Variants in PCDHA4 observed in about 807,000 individuals in gnomAD.
PCDHA4 encodes the protein protocadherin alpha 4.
A neutral mutation model predicts 61.4 loss-of-function variants in PCDHA4; 49 were observed. The ratio of observed to expected loss-of-function variants is 0.80; its 90% CI spans 0.63 to 1.01. The LOEUF (loss-of-function observed/expected upper bound fraction) is 1.01. Among genes scored for constraint, PCDHA4 ranks in the 50% least tolerant of loss-of-function variants. The pLI is 0.00. For missense variants in PCDHA4, 1,254 were observed against 1,235.8 expected, an observed-to-expected ratio of 1.01 and a Z score of -0.22; for synonymous variants, 590 against 550.3, an observed-to-expected ratio of 1.07 and a Z score of -1.01.
chr5:140,946,527 G>A (rs1414920308), intron 1 of PCDHA4, among the ~76,000 whole-genome samples: 1 of 150,718 alleles, frequency 6.6e-6, no homozygotes, highest in Non-Finnish European at 1.5e-5. Flanking sequence ...GCACTCCCAT[G>A]TTCATTGCAG....
Position 140,967,485 on chromosome 5 carries a change from C to T in PCDHA4, c.2386-11464C>T, listed in dbSNP as rs781948599. 7 of 1,613,056 alleles carry T rather than the reference C, an allele frequency of 4.3e-6. No individual in the cohort carries two copies. The South Asian group carries it at 5.5e-5, about 13-fold the overall frequency. On this transcript the variant is annotated intron_variant, in intron 1 of 3. Coordinates refer to ENST00000530339, the MANE Select transcript of PCDHA4 (RefSeq NM_018907.4). ...GGGGGCATCCCAGCCCGCTCGGGTA[C>T]GGCACAGATCTCTGTGCGTGTCCTG...
intron 1 of PCDHA4, chr5:140,863,962 C>T (rs1378381215): frequency 6.4e-6 from 1 of 155,852 alleles, no homozygotes; most frequent in Non-Finnish European, 1.4e-5. Context: ...GATTAGGCCA[C>T]TGCACTACAG....
intron 1 of PCDHA4, among the ~76,000 whole-genome samples, chr5:140,912,160 C>T (rs1208125180): frequency 6.6e-6 from 1 of 152,134 alleles, no homozygotes. Context: ...TGTTTTTATT[C>T]TGGCTGTGCT....
At chr5:140,917,334 G>GGGGGGGGGGGGGGT in intron 1 of PCDHA4, among the ~76,000 whole-genome samples, 1 of 147,630 alleles carries the variant, frequency 6.8e-6, no homozygotes, top group Non-Finnish European at 1.5e-5. Flanking sequence ...CGGGGGAGGG[G>GGGGGGGGGGGGGGT]GGGGATGGTG....
At chr5:140,837,111 G>A (rs1774917458) in intron 1 of PCDHA4, 1 of 158,706 alleles carries the variant, frequency 6.3e-6, no homozygotes, top group Non-Finnish European at 1.4e-5. Flanking sequence ...TAATATATAT[G>A]TTACCTAATA....
Position 140,899,489 on chromosome 5 carries a change from A to G in PCDHA4, c.2386-79460A>G, listed in dbSNP as rs1445369123. 2.0e-5 allele frequency among the ~76,000 whole-genome samples: 3 copies of G among 152,246 alleles called. 1 individual carries two copies. Among genetic ancestry groups the G allele is most frequent in the Non-Finnish European group, 4.4e-5 (3 of 68,052 alleles). On this transcript the variant is annotated intron_variant, in intron 1 of 3. Coordinates refer to ENST00000530339, the MANE Select transcript of PCDHA4 (RefSeq NM_018907.4). ...TTTGGTTCTGTTTATATGCTGGATT[A>G]CATTTATTGATTTGCATATATTGCA...
intron 1 of PCDHA4, among the ~76,000 whole-genome samples, chr5:140,905,776 G>A (rs190550917): frequency 2.4e-3 from 372 of 152,186 alleles, no homozygotes; most frequent in Non-Finnish European, 4.1e-3. Context: ...ATTCCGAAGT[G>A]TATTAGTCAG....
chr5:140,882,423 T>C (rs1554174072), intron 1 of PCDHA4: 2 of 1,614,052 alleles, frequency 1.2e-6, no homozygotes, highest in African/African-American at 2.7e-5. Context: ...GCTCAGGACC[T>C]GGGGCTGGAG....
chr5:140,841,813 T>C (rs2150323306), intron 1 of PCDHA4: 1 of 1,613,920 alleles, frequency 6.2e-7, no homozygotes, highest in Non-Finnish European at 8.5e-7. Context: ...ATGTTGGAGC[T>C]AACTCCGTGT....
chr5:140,883,484 T>C, intron 1 of PCDHA4: 1 of 1,614,066 alleles, frequency 6.2e-7, no homozygotes, highest in Non-Finnish European at 8.5e-7. Flanking sequence ...GAACTACTAC[T>C]CATTAGTGCT....
intron 1 of PCDHA4, chr5:140,875,175 T>G (rs1301346750): frequency 5.0e-6 from 2 of 399,086 alleles, no homozygotes; most frequent in African/African-American, 4.1e-5. Context: ...GTCGAAACAT[T>G]AGAATTAAGA....
chr5:140,913,099 C>T (rs1413383908), intron 1 of PCDHA4, among the ~76,000 whole-genome samples: 4 of 152,132 alleles, frequency 2.6e-5, no homozygotes, highest in Non-Finnish European at 4.4e-5. Context: ...ATACTGGCCT[C>T]ATAGAATCAG....
At position 140,823,647 on chromosome 5, in the gene PCDHA4, G is replaced by A. The variant is rs2150127892; in HGVS notation, c.2385+14075G>A. The A allele has an allele frequency of 2.1e-5, 34 of 1,613,872 alleles. No homozygotes were observed. The South Asian group carries it at 3.2e-4, about 15-fold the overall frequency. ...GTGCGCGCATCCCGTTCCGCGTGGG[G>A]CTGTACACAGGCGAGATCAGCACAA... On this transcript the variant is annotated intron_variant, in intron 1 of 3. Transcript: ENST00000530339.
chr5:140,875,567 A>G (rs1389005721), intron 1 of PCDHA4: 14 of 1,613,986 alleles, frequency 8.7e-6, no homozygotes, highest in African/African-American at 2.7e-5. Context: ...GGCCAGCTCC[A>G]CTACTCCGTC....
chr5:140,856,274 G>T, intron 1 of PCDHA4: 1 of 1,598,358 alleles, frequency 6.3e-7, no homozygotes, highest in Non-Finnish European at 8.6e-7. Context: ...CCTTCTGGAG[G>T]TAAATCTGCA....
At chr5:140,955,407 C>T (rs1453424058) in intron 1 of PCDHA4, among the ~76,000 whole-genome samples, 1 of 152,098 alleles carries the variant, frequency 6.6e-6, no homozygotes, top group African/African-American at 2.4e-5. Flanking sequence ...ATACAGTTCT[C>T]ATGATAGTGA....
At chr5:140,887,976 TA>T (rs1462545504) in intron 1 of PCDHA4, among the ~76,000 whole-genome samples, 1 of 152,256 alleles carries the variant, frequency 6.6e-6, no homozygotes, top group African/African-American at 2.4e-5. Context: ...TTTTAAAATT[TA>T]TTTTACATGT....
At chr5:140,846,476 A>G (rs2150391448) in intron 1 of PCDHA4, among the ~76,000 whole-genome samples, 10 of 143,712 alleles carry the variant, frequency 7.0e-5, no homozygotes, top group Admixed American at 2.1e-4. Context: ...CCGGGTTCAA[A>G]TGATTCTCCT....
rs1554148991 is a variant in PCDHA4, at chr5:140,856,698, G to A, written c.2385+47126G>A. ...TTGTTGTTGACAGCAACTGATGGAG[G>A]CAAACCTGAATTTACCGGATCTGTT... On this transcript the variant is annotated intron_variant, in intron 1 of 3. Transcript: ENST00000530339. 3.8e-6 allele frequency: 6 copies of A among 1,596,626 alleles called. 1 individual carries two copies. In the African/African-American group the frequency reaches 8.1e-5, roughly 21 times the overall value.
Sources: gnomAD v4.1 joint callset for allele counts (sites outside exome capture counted in the v4.1 genomes callset) on GRCh38, gnomAD v4.1.1 for gene constraint, MANE v1.5 for transcripts, NCBI Gene and HGNC (gene_info 2026-07-23, HGNC 2026-07-21) for gene names.